The following EXOC4 variants were observed in gnomAD, a reference collection of about 807,000 sequenced individuals.
The protein encoded by EXOC4 is exocyst complex component 4, also known as SEC8-like 1.
EXOC4 carries 71 observed loss-of-function variants against 107.2 expected under a neutral mutation model. That is an observed-to-expected ratio of 0.66 (90% confidence interval 0.55 to 0.81). The LOEUF is 0.81. Among genes scored for constraint, EXOC4 ranks in the 30% least tolerant of loss-of-function variants. The probability of loss-of-function intolerance (pLI) is 0.00; values close to 1 mark genes in which losing one functional copy is unlikely to be tolerated. For missense variants in EXOC4, 1,108 were observed against 1,189.6 expected, an observed-to-expected ratio of 0.93 and a Z score of 1.01; for synonymous variants, 456 against 441.2, an observed-to-expected ratio of 1.03 and a Z score of -0.42.
intron 10 of EXOC4, among the ~76,000 whole-genome samples, chr7:133,757,466 TAGAC>T (rs769462191): frequency 4.6e-5 from 7 of 152,262 alleles, no homozygotes; most frequent in South Asian, 2.1e-4. Flanking sequence ...AGAGGAATGT[TAGAC>T]AGCCCTTTTC....
intron 10 of EXOC4, among the ~76,000 whole-genome samples, chr7:133,662,104 A>AT (rs1006458692): frequency 2.6e-5 from 4 of 152,122 alleles, no homozygotes; most frequent in African/African-American, 9.7e-5. Flanking sequence ...GGTTTTTGTA[A>AT]TTTTTCTCGG....
chr7:134,035,119 C>T (rs1457837032), intron 17 of EXOC4, among the ~76,000 whole-genome samples: 1 of 147,660 alleles, frequency 6.8e-6, no homozygotes, highest in African/African-American at 2.5e-5. Context: ...GATCTGGGCT[C>T]ACTGCAGCCT....
intron 17 of EXOC4, among the ~76,000 whole-genome samples, chr7:134,024,965 A>T (rs1256788857): frequency 1.3e-5 from 2 of 152,152 alleles, no homozygotes; most frequent in African/African-American, 2.4e-5. Flanking sequence ...TCTTCACAAA[A>T]CTATCTTTGA....
chr7:133,270,186 T>C (rs1047316353), intron 1 of EXOC4, among the ~76,000 whole-genome samples: 2 of 152,184 alleles, frequency 1.3e-5, no homozygotes, highest in Non-Finnish European at 2.9e-5. Context: ...GCCTTTCACC[T>C]TCTGCCATGA....
At chr7:133,798,584 G>A (rs901300836) in intron 10 of EXOC4, among the ~76,000 whole-genome samples, 6 of 152,088 alleles carry the variant, frequency 3.9e-5, no homozygotes, top group Non-Finnish European at 5.9e-5. Context: ...ACCCTGCAAG[G>A]CAGATATTAT....
intron 10 of EXOC4, among the ~76,000 whole-genome samples, chr7:133,662,255 T>C (rs1303798266): frequency 6.6e-6 from 1 of 152,106 alleles, no homozygotes; most frequent in Non-Finnish European, 1.5e-5. Context: ...CTCCATTTAA[T>C]CTTAGAACAT....
chr7:133,676,094 T>C (rs1218616030), intron 10 of EXOC4, among the ~76,000 whole-genome samples: 1 of 151,934 alleles, frequency 6.6e-6, no homozygotes. Context: ...GTCGCAAAAT[T>C]CGTGGCGTGA....
At chr7:134,072,074 G>A in the EXOC4 span, among the ~76,000 whole-genome samples, 1 of 152,186 alleles carries the variant, frequency 6.6e-6, no homozygotes, top group Non-Finnish European at 1.5e-5. Context: ...AGAAATCTTG[G>A]AAACACAAAC....
intron 8 of EXOC4, chr7:133,478,931 A>G (rs1256660829): frequency 6.6e-6 from 1 of 152,150 alleles, no homozygotes; most frequent in Non-Finnish European, 1.5e-5. Context: ...GGCAGGGTGC[A>G]GAGAGGGGAT....
At chr7:133,426,649 C>A (rs1241895363) in intron 7 of EXOC4, among the ~76,000 whole-genome samples, 3 of 152,156 alleles carry the variant, frequency 2.0e-5, no homozygotes, top group Non-Finnish European at 4.4e-5. Flanking sequence ...TTTGCTTTGC[C>A]AAGGGCAATT....
At chr7:133,643,319 CTCT>C (rs1802907338) in intron 10 of EXOC4, among the ~76,000 whole-genome samples, 1 of 152,100 alleles carries the variant, frequency 6.6e-6, no homozygotes, top group African/African-American at 2.4e-5. Flanking sequence ...AGGTCAGTCT[CTCT>C]TTTCACATTT....
At chr7:133,509,140 G>C (rs1799719463) in intron 9 of EXOC4, among the ~76,000 whole-genome samples, 1 of 152,060 alleles carries the variant, frequency 6.6e-6, no homozygotes, top group Non-Finnish European at 1.5e-5. Context: ...TGAAATATAA[G>C]CAGAGGGGCC....
At chr7:133,950,752 A>G (rs1029036608) in intron 14 of EXOC4, among the ~76,000 whole-genome samples, 1 of 152,236 alleles carries the variant, frequency 6.6e-6, no homozygotes, top group African/African-American at 2.4e-5. Context: ...GTCAGTCTTC[A>G]TACATTAATA....
chr7:133,319,467 G>C (rs920381033), intron 5 of EXOC4, among the ~76,000 whole-genome samples: 2 of 152,130 alleles, frequency 1.3e-5, no homozygotes, highest in African/African-American at 4.8e-5. Flanking sequence ...ACTGCTTGTA[G>C]AGATATGTAT....
intron 7 of EXOC4, among the ~76,000 whole-genome samples, chr7:133,473,368 G>C (rs554970554): frequency 6.6e-6 from 1 of 152,230 alleles, no homozygotes; most frequent in African/African-American, 2.4e-5. Context: ...GACATGTTTT[G>C]TATTTTCCAA....
At chr7:133,535,920 G>A (rs559151290) in intron 9 of EXOC4, among the ~76,000 whole-genome samples, 2 of 152,292 alleles carry the variant, frequency 1.3e-5, no homozygotes, top group African/African-American at 4.8e-5. Context: ...CATTAATGCA[G>A]GCAGTGCTAA....
intron 5 of EXOC4, among the ~76,000 whole-genome samples, chr7:133,336,815 C>T (rs1795527369): frequency 6.6e-6 from 1 of 151,862 alleles, no homozygotes; most frequent in South Asian, 2.1e-4. Flanking sequence ...CTCACTGCAA[C>T]CTCCGCCTCC....
chr7:133,620,322 C>A (rs1802299938), intron 9 of EXOC4, among the ~76,000 whole-genome samples: 2 of 152,110 alleles, frequency 1.3e-5, no homozygotes, highest in African/African-American at 4.8e-5. Flanking sequence ...CCACCGGGCC[C>A]AGCCATTTTC....
chr7:133,909,563 C>T (rs1435410076), intron 12 of EXOC4, among the ~76,000 whole-genome samples: 3 of 152,148 alleles, frequency 2.0e-5, no homozygotes. Flanking sequence ...TACTGAGTGA[C>T]ATTAGACAGG....
Sources: allele counts gnomAD v4.1 joint callset (sites outside exome capture counted in the v4.1 genomes callset), GRCh38; gene constraint gnomAD v4.1.1; transcripts MANE v1.5; gene names NCBI Gene and HGNC (gene_info 2026-07-23, HGNC 2026-07-21).